Variants in SNX25 observed in about 807,000 individuals in gnomAD.
SNX25 encodes the protein sorting nexin 25.
SNX25 carries 62 observed loss-of-function variants against 113.7 expected under a neutral mutation model. That is an observed-to-expected ratio of 0.55 (90% CI 0.44 to 0.67). The LOEUF is 0.67. Ranked by LOEUF, SNX25 falls within the 30% of genes least tolerant of loss-of-function variation. The pLI is 0.00. For synonymous variants in SNX25, 421 were observed against 436.2 expected (o/e 0.97, Z 0.43); for missense variants, 1,014 against 1,161.0 (o/e 0.87, Z 1.84).
intron 9 of SNX25, among the ~76,000 whole-genome samples, chr4:185,324,937 A>G (rs1305024469): frequency 6.6e-6 from 1 of 152,132 alleles, no homozygotes; most frequent in Admixed American, 6.5e-5. Context: ...AATAGCTGTA[A>G]TCCTGTCATT....
At position 185,342,606 on chromosome 4, in the gene SNX25, G is replaced by T. The variant is rs557841091; in HGVS notation, c.2187+490G>T. Among the ~76,000 whole-genome samples the T allele has an allele frequency of 2.0e-5, 3 of 151,274 alleles. No homozygotes were observed. The East Asian group carries it at 5.9e-4, about 30-fold the overall frequency. Reference sequence around the variant, plus strand: ...GAGGCAGTAAGGCGCGGTGCTTGGAGGATTCTATCACATATACAAGGGAGG... The same window carrying T: ...GAGGCAGTAAGGCGCGGTGCTTGGATGATTCTATCACATATACAAGGGAGG... On this transcript the variant is annotated intron_variant, in intron 12 of 18. Coordinates refer to ENST00000652585, the MANE Select transcript of SNX25 (RefSeq NM_001378034.2).
At chr4:185,212,667 C>T (rs1452629232) in intron 1 of SNX25, among the ~76,000 whole-genome samples, 1 of 151,994 alleles carries the variant, frequency 6.6e-6, no homozygotes, top group Non-Finnish European at 1.5e-5. Context: ...TAAATGTTCT[C>T]TTCTTTATGA....
chr4:185,276,785 C>CT (rs2126577307), intron 5 of SNX25, among the ~76,000 whole-genome samples: 1 of 152,320 alleles, frequency 6.6e-6, no homozygotes, highest in African/African-American at 2.4e-5. Flanking sequence ...CCCTGTCTCC[C>CT]TGGCAGGTCC....
intron 3 of SNX25, among the ~76,000 whole-genome samples, chr4:185,261,801 A>T (rs1432451921): frequency 6.6e-6 from 1 of 152,172 alleles, no homozygotes; most frequent in Non-Finnish European, 1.5e-5. Flanking sequence ...GTAGTTGATG[A>T]TAAAAAATAA....
At chr4:185,341,502 T>A (rs1037392219) in intron 11 of SNX25, among the ~76,000 whole-genome samples, 1 of 152,260 alleles carries the variant, frequency 6.6e-6, no homozygotes, top group Admixed American at 6.5e-5. Flanking sequence ...GTCACACCTC[T>A]GTAGGTCTGG....
chr4:185,235,175 A>G (rs1205178776), intron 1 of SNX25, among the ~76,000 whole-genome samples: 1 of 152,252 alleles, frequency 6.6e-6, no homozygotes, highest in Non-Finnish European at 1.5e-5. Context: ...GCATGTAGGC[A>G]TGGTTGGCCT....
At position 185,232,541 on chromosome 4, in the gene SNX25, A is replaced by T. The variant is rs1374045506; in HGVS notation, c.430-14753A>T. Among the ~76,000 whole-genome samples, 1 of 152,238 alleles carries T rather than the reference A, an allele frequency of 6.6e-6. No individual in the cohort carries two copies. Among genetic ancestry groups the T allele is most frequent in the Non-Finnish European group, 1.5e-5 (1 of 68,040 alleles). On this transcript the variant is annotated intron_variant, in intron 1 of 18. Coordinates refer to ENST00000652585, the MANE Select transcript of SNX25 (RefSeq NM_001378034.2). This position sits in a 1 kb window ranked among gnomAD's most constrained non-coding sequence, Gnocchi z 4.4. ...ATTTATCATGCTTCAAAAATGGACCATTTAAAATGTTTCCTCACAGTTAAC... is the reference window on the plus strand; with the variant it reads ...ATTTATCATGCTTCAAAAATGGACCTTTTAAAATGTTTCCTCACAGTTAAC...
chr4:185,259,781 G>C (rs114414783), intron 3 of SNX25, among the ~76,000 whole-genome samples: 196 of 152,262 alleles, frequency 1.3e-3, no homozygotes, highest in Non-Finnish European at 2.3e-3. Context: ...ACAGGAATGG[G>C]AACAGTTAAT....
chr4:185,306,146 A>G (rs950336242), intron 6 of SNX25, among the ~76,000 whole-genome samples: 4 of 152,224 alleles, frequency 2.6e-5, no homozygotes, highest in African/African-American at 9.6e-5. Flanking sequence ...TATTTCTTGG[A>G]TGAATGGGTT....
chr4:185,253,201 A>G (rs1745917875), intron 2 of SNX25, among the ~76,000 whole-genome samples: 1 of 152,226 alleles, frequency 6.6e-6, no homozygotes, highest in Non-Finnish European at 1.5e-5. Context: ...TATTGAGTAC[A>G]TGCTATTTGT....
Position 185,334,254 on chromosome 4 carries a change from C to G in SNX25, c.1914+1495C>G, listed in dbSNP as rs1391953174. ...TCAGGAGGGTGAGGCAGGAGAATCTCTTGAACCCGGGAGGCAGAAGTTGCG... is the reference window on the plus strand; with the variant it reads ...TCAGGAGGGTGAGGCAGGAGAATCTGTTGAACCCGGGAGGCAGAAGTTGCG... On this transcript the variant is annotated intron_variant, in intron 10 of 18. Transcript: ENST00000652585. The surrounding 1 kb of genome is among the most constrained non-coding windows in gnomAD (Gnocchi z 4.2). Among the ~76,000 whole-genome samples the G allele has an allele frequency of 2.6e-5, 4 of 152,150 alleles. No individual in the cohort carries two copies. Among genetic ancestry groups the G allele is most frequent in the East Asian group, 1.9e-4 (1 of 5,194 alleles).
chr4:185,351,749 T>C (rs2095315969), intron 14 of SNX25, 140 bp downstream of exon 14: 2 of 898,570 alleles, frequency 2.2e-6, no homozygotes, highest in African/African-American at 3.4e-5. Flanking sequence ...TGTATTTCTG[T>C]ATCTTAATTC....
chr4:185,225,417 C>T (rs1269740382), intron 1 of SNX25, among the ~76,000 whole-genome samples: 1 of 152,216 alleles, frequency 6.6e-6, no homozygotes, highest in Non-Finnish European at 1.5e-5. Flanking sequence ...AGCCACCGCA[C>T]CCGGCCAGTA....
At chr4:185,348,845 C>T (rs1418638596) in intron 13 of SNX25, among the ~76,000 whole-genome samples, 1 of 152,188 alleles carries the variant, frequency 6.6e-6, no homozygotes, top group Non-Finnish European at 1.5e-5. Flanking sequence ...AACTTTCTAG[C>T]CACTGACCAA....
intron 15 of SNX25, 70 bp downstream of exon 15, chr4:185,353,672 C>A: frequency 1.8e-6 from 2 of 1,098,234 alleles, no homozygotes; most frequent in Non-Finnish European, 2.8e-6. Flanking sequence ...CATTCACATG[C>A]ATTTAATATC....
At chr4:185,377,090 AT>A in the SNX25 span, 8 of 1,079,518 alleles carry the variant, frequency 7.4e-6, no homozygotes, top group Non-Finnish European at 1.1e-5. Flanking sequence ...AATGAATCAT[AT>A]AAAATCCATC....
intron 1 of SNX25, among the ~76,000 whole-genome samples, chr4:185,219,691 C>T (rs1739480497): frequency 6.6e-6 from 1 of 152,232 alleles, no homozygotes; most frequent in Non-Finnish European, 1.5e-5. Context: ...CTGGCTCAGA[C>T]TGGCTGCTGG....
At chr4:185,333,350 T>C (rs1388949571) in intron 10 of SNX25, among the ~76,000 whole-genome samples, 2 of 152,208 alleles carry the variant, frequency 1.3e-5, no homozygotes, top group Non-Finnish European at 2.9e-5. Context: ...TCTCTGGCAC[T>C]TTCTGAATGT....
At chr4:185,262,955 G>T (rs141319774) in intron 3 of SNX25, among the ~76,000 whole-genome samples, 120 of 152,318 alleles carry the variant, frequency 7.9e-4, no homozygotes, top group African/African-American at 2.8e-3. Context: ...ACTTTCTAGA[G>T]GACATCATAG....
Sources: allele counts gnomAD v4.1 joint callset (sites outside exome capture counted in the v4.1 genomes callset), GRCh38; gene constraint gnomAD v4.1.1; non-coding constraint Gnocchi (gnomAD v3.1); transcripts MANE v1.5; gene names NCBI Gene and HGNC (gene_info 2026-07-23, HGNC 2026-07-21).